The following SORBS2 variants were observed in gnomAD, a reference collection of about 807,000 sequenced individuals.
SORBS2 encodes sorbin and SH3 domain-containing protein 2.
SORBS2 carries 46 observed loss-of-function variants against 97.7 expected under a neutral mutation model. The ratio of observed to expected loss-of-function variants is 0.47; its 90% CI spans 0.37 to 0.60. SORBS2 has a LOEUF of 0.60. Among genes scored for constraint, SORBS2 ranks in the 20% least tolerant of loss-of-function variants. The pLI, the probability that SORBS2 is intolerant of heterozygous loss-of-function variation, is 0.00. For missense variants in SORBS2, 1,316 were observed against 1,282.3 expected, an observed-to-expected ratio of 1.03 and a Z score of -0.40; for synonymous variants, 476 against 473.4, an observed-to-expected ratio of 1.01 and a Z score of -0.07.
intron 2 of SORBS2, among the ~76,000 whole-genome samples, chr4:185,726,779 G>A (rs1037237680): frequency 6.6e-6 from 1 of 151,972 alleles, no homozygotes; most frequent in African/African-American, 2.4e-5. Flanking sequence ...AACAGATGAA[G>A]GAAAAATAGA....
chr4:185,861,375 G>A (rs1415730843), intron 1 of SORBS2, among the ~76,000 whole-genome samples: 1 of 152,004 alleles, frequency 6.6e-6, no homozygotes, highest in African/African-American at 2.4e-5. Context: ...GTTTACATGA[G>A]CATACGGAAT....
chr4:185,948,139 G>A (rs919716546), intron 1 of SORBS2, among the ~76,000 whole-genome samples: 3 of 152,018 alleles, frequency 2.0e-5, no homozygotes, highest in African/African-American at 7.2e-5. Context: ...CTTCCTTCAG[G>A]AATCCTCTGA....
chr4:185,936,755 T>C (rs2099269145), intron 1 of SORBS2, among the ~76,000 whole-genome samples: 1 of 151,874 alleles, frequency 6.6e-6, no homozygotes. Flanking sequence ...GAAATGCAAT[T>C]TACAGAAGAT....
chr4:185,787,155 G>A (rs750275194), intron 1 of SORBS2, among the ~76,000 whole-genome samples: 4 of 152,030 alleles, frequency 2.6e-5, no homozygotes, highest in East Asian at 1.9e-4. Flanking sequence ...GGCTCCTTGA[G>A]GATAGGATTC....
intron 13 of SORBS2, chr4:185,593,556 G>A (rs560100810): frequency 1.1e-5 from 3 of 281,236 alleles, no homozygotes; most frequent in African/African-American, 6.7e-5. Context: ...AACATGTTCT[G>A]TATGTCTTTG....
At chr4:185,907,224 C>T (rs1045888833) in intron 1 of SORBS2, among the ~76,000 whole-genome samples, 1 of 151,924 alleles carries the variant, frequency 6.6e-6, no homozygotes, top group Non-Finnish European at 1.5e-5. Context: ...TGGTTGAAGT[C>T]GAACCATGGA....
chr4:185,843,451 C>CA lies in SORBS2; in HGVS notation c.-337-68086dup, dbSNP rs374028241. Among the ~76,000 whole-genome samples, 1,156 of 151,960 alleles carry CA rather than the reference C, an allele frequency of 7.6e-3. 9 individuals are homozygous for CA. Among genetic ancestry groups the CA allele is most frequent in the African/African-American group, 0.024 (995 of 41,432 alleles). Reference sequence around the variant, plus strand: ...ACAAAATTGTCTACATAGAAAATCTCAAAGATATGCAAACAAGCTACTAGA... The same window carrying CA: ...ACAAAATTGTCTACATAGAAAATCTCAAAAGATATGCAAACAAGCTACTAGA... On this transcript the variant is annotated intron_variant, in intron 1 of 20. Transcript: ENST00000284776.
At chr4:185,752,469 G>T (rs1181742936) in intron 2 of SORBS2, among the ~76,000 whole-genome samples, 1 of 152,040 alleles carries the variant, frequency 6.6e-6, no homozygotes, top group Admixed American at 6.6e-5. Context: ...GTAGATATGG[G>T]GTTTCACCGT....
At chr4:185,613,646 C>CAAAA (rs35723770) in intron 11 of SORBS2, among the ~76,000 whole-genome samples, 46 of 85,796 alleles carry the variant, frequency 5.4e-4, no homozygotes, top group African/African-American at 1.7e-3. Context: ...CACTCCATCT[C>CAAAA]AAAAAAAAAA....
chr4:185,690,868 A>C (rs2098080413), intron 2 of SORBS2, among the ~76,000 whole-genome samples: 1 of 151,166 alleles, frequency 6.6e-6, no homozygotes, highest in African/African-American at 2.4e-5. Flanking sequence ...AATGGATGAA[A>C]ATGGAGACGT....
At chr4:185,796,045 GTCC>G (rs968974364) in intron 1 of SORBS2, among the ~76,000 whole-genome samples, 12 of 152,066 alleles carry the variant, frequency 7.9e-5, no homozygotes, top group Non-Finnish European at 1.5e-4. Context: ...TTACTGTACT[GTCC>G]TCCTACAGGA....
exon 1 of SORBS2, chr4:185,656,624 T>C (rs2097409022): frequency 6.5e-7 from 1 of 1,549,982 alleles, no homozygotes; most frequent in South Asian, 1.2e-5. Flanking sequence ...CCTGCAAAGG[T>C]GTTGTTGCTT....
chr4:185,882,875 A>C (rs1561265361), intron 1 of SORBS2, among the ~76,000 whole-genome samples: 1 of 152,202 alleles, frequency 6.6e-6, no homozygotes, highest in African/African-American at 2.4e-5. Context: ...AAATCAAAAC[A>C]CAAACATCTC....
chr4:185,758,536 A>G (rs2098844733), intron 2 of SORBS2, among the ~76,000 whole-genome samples: 1 of 152,026 alleles, frequency 6.6e-6, no homozygotes, highest in Non-Finnish European at 1.5e-5. Flanking sequence ...TTCAGTCTCA[A>G]GGCTTTAAAC....
At chr4:185,939,068 T>C (rs1380863903) in intron 1 of SORBS2, among the ~76,000 whole-genome samples, 1 of 152,222 alleles carries the variant, frequency 6.6e-6, no homozygotes, top group Non-Finnish European at 1.5e-5. Flanking sequence ...TTTTATCTTT[T>C]GTTCAGCCCT....
chr4:185,702,491 C>A (rs1483136851), intron 2 of SORBS2, among the ~76,000 whole-genome samples: 1 of 152,154 alleles, frequency 6.6e-6, no homozygotes, highest in East Asian at 1.9e-4. Flanking sequence ...GACTCAAACA[C>A]CTCCCATTAA....
chr4:185,646,659 A>C lies in SORBS2; in HGVS notation c.396+9T>G. The C allele has an allele frequency of 3.8e-6, 6 of 1,566,490 alleles. No individual in the cohort carries two copies. The highest frequency in any genetic ancestry group is 5.3e-6 in the Non-Finnish European group (6 of 1,136,624). On this transcript the variant is annotated intron_variant, in intron 4 of 14. Transcript: ENST00000418609. ...AGCTGGCATATTCTGTTTAATGACAAGTGCTTACTGGTCTTTCATGCTGAA... is the reference window on the plus strand; with the variant it reads ...AGCTGGCATATTCTGTTTAATGACACGTGCTTACTGGTCTTTCATGCTGAA...
At chr4:185,946,800 T>C (rs573762552) in intron 1 of SORBS2, among the ~76,000 whole-genome samples, 3 of 152,336 alleles carry the variant, frequency 2.0e-5, no homozygotes, top group African/African-American at 7.2e-5. Context: ...CAATAAAACC[T>C]TCGGTTGGCT....
intron 1 of SORBS2, among the ~76,000 whole-genome samples, chr4:185,925,404 A>G (rs865961864): frequency 2.1e-4 from 31 of 144,186 alleles, no homozygotes; most frequent in Middle Eastern, 7.1e-3. Context: ...TTTACAAAAT[A>G]GCACATTTTT....
Sources: allele counts gnomAD v4.1 joint callset (sites outside exome capture counted in the v4.1 genomes callset), GRCh38; gene constraint gnomAD v4.1.1; transcripts MANE v1.5; gene names NCBI Gene and HGNC (gene_info 2026-07-23, HGNC 2026-07-21).